Variants in PI4KA observed in about 807,000 individuals in gnomAD.
PI4KA encodes the protein phosphatidylinositol 4-kinase alpha, also known as PI4-kinase alpha.
A neutral mutation model predicts 271.4 loss-of-function variants in PI4KA; 122 were observed. That is an observed-to-expected ratio of 0.45 (90% confidence interval 0.39 to 0.52). The LOEUF is 0.52. Among genes scored for constraint, PI4KA ranks in the 20% least tolerant of loss-of-function variants. The pLI is 0.00. For missense variants in PI4KA, 1,969 were observed against 2,769.1 expected, an observed-to-expected ratio of 0.71 and a Z score of 6.48; for synonymous variants, 1,041 against 1,078.8, an observed-to-expected ratio of 0.96 and a Z score of 0.69.
At chr22:20,729,848 G>A (rs1927804233) in intron 37 of PI4KA, 44 bp downstream of exon 37, 1 of 1,612,402 alleles carries the variant, frequency 6.2e-7, no homozygotes, top group Non-Finnish European at 8.5e-7. Flanking sequence ...CAACTAGAAT[G>A]ATAGCTTGCA....
At position 20,812,502 on chromosome 22, in the gene PI4KA, C is replaced by T. The variant is rs145470877; in HGVS notation, c.1005+856G>A. 4.5e-3 allele frequency among the ~76,000 whole-genome samples: 687 copies of T among 152,230 alleles called. 5 individuals are homozygous for T. The highest frequency in any genetic ancestry group is 0.016 in the African/African-American group (659 of 41,540). Reference sequence around the variant, plus strand: ...CATCATCACCCGTACCTATTCAAATCTGTCTTGAACCATCCTAGCTTGATT... The same window carrying T: ...CATCATCACCCGTACCTATTCAAATTTGTCTTGAACCATCCTAGCTTGATT... On this transcript the variant is annotated intron_variant, in intron 8 of 54. Coordinates refer to ENST00000255882, the MANE Select transcript of PI4KA (RefSeq NM_058004.4).
At chr22:20,770,142 C>T (rs2147424065) in intron 19 of PI4KA, among the ~76,000 whole-genome samples, 1 of 151,838 alleles carries the variant, frequency 6.6e-6, no homozygotes, top group East Asian at 1.9e-4. Flanking sequence ...TCAAGTGATC[C>T]TTCTGCCTCA....
intron 19 of PI4KA, among the ~76,000 whole-genome samples, chr22:20,791,802 T>C (rs1368152138): frequency 6.6e-6 from 1 of 151,834 alleles, no homozygotes; most frequent in East Asian, 1.9e-4. Context: ...GGGGTGTCCA[T>C]GAAAAATACC....
chr22:20,798,681 T>C lies in PI4KA; in HGVS notation c.2011A>G (p.Ile671Val), dbSNP rs1935119660. The change falls in exon 17 of 55, where the codon ATC becomes GTC. Residue 671 changes from isoleucine (I) to valine (V), a missense_variant. Ile to Val is a conservative substitution (Grantham distance 29). Transcript: ENST00000255882. ...AAGAGGTTCCACACTTCCTGATAGA[T>C]GTATTGCTGGGAGAGAGCAAGATGC... The part of the protein sequence containing the change: ...GCLVITGNQY[I>V]YQEVWNLFQQ... 4 of 1,610,022 alleles carry C rather than the reference T, an allele frequency of 2.5e-6. No individual in the cohort carries two copies. Among genetic ancestry groups the C allele is most frequent in the Non-Finnish European group, 1.7e-6 (2 of 1,176,364 alleles).
chr22:20,770,668 A>G (rs1157154837), intron 19 of PI4KA, among the ~76,000 whole-genome samples: 1 of 151,434 alleles, frequency 6.6e-6, no homozygotes, highest in East Asian at 1.9e-4. Context: ...GACAGGGCAA[A>G]GGTTCCAAAA....
Position 20,729,690 on chromosome 22 carries a change from CG to C in PI4KA, c.4429del (p.Arg1477GlyfsTer10). On this transcript the variant is annotated frameshift_variant, in exon 38 of 55. Transcript: ENST00000255882. LOFTEE classifies it high-confidence loss of function. ...GTAGTATTTGTGCAGCTGGGAGCCC[CG>C]GTTGGTTTTCTTAGACATGCCTAGG... ...KKSGMSKKTN[R>X]GSQLHKYYMK... The C allele has an allele frequency of 6.3e-7, 1 of 1,591,216 alleles. No individual in the cohort carries two copies. The highest frequency in any genetic ancestry group is 8.6e-7 in the Non-Finnish European group (1 of 1,167,000).
At chr22:20,708,580 C>T (rs1468538163) in intron 54 of PI4KA, among the ~76,000 whole-genome samples, 2 of 135,984 alleles carry the variant, frequency 1.5e-5, no homozygotes, top group Non-Finnish European at 3.1e-5. Context: ...CTTCCTCTCA[C>T]GCTCCTCCGG....
chr22:20,833,501 A>G (rs1230178078), intron 3 of PI4KA, among the ~76,000 whole-genome samples: 1 of 152,126 alleles, frequency 6.6e-6, no homozygotes, highest in Non-Finnish European at 1.5e-5. Context: ...ATTTGCACCA[A>G]TGGCAGTGGT....
intron 1 of PI4KA, among the ~76,000 whole-genome samples, chr22:20,853,512 C>T (rs1406178265): frequency 6.6e-6 from 1 of 152,218 alleles, no homozygotes; most frequent in Non-Finnish European, 1.5e-5. Flanking sequence ...TGAAAAGCCT[C>T]ACTTTCTTTC....
chr22:20,791,061 C>T (rs1934614715), intron 19 of PI4KA, among the ~76,000 whole-genome samples: 1 of 152,206 alleles, frequency 6.6e-6, no homozygotes, highest in Non-Finnish European at 1.5e-5. Flanking sequence ...AGGAGTCCAA[C>T]CTGGAACCCT....
chr22:20,718,182 C>T (rs948313383), intron 44 of PI4KA, among the ~76,000 whole-genome samples: 2 of 152,252 alleles, frequency 1.3e-5, no homozygotes, highest in African/African-American at 4.8e-5. Flanking sequence ...GCAGTGTAAG[C>T]ACTGGAGACA....
At chr22:20,712,395 G>A (rs1463410593) in intron 50 of PI4KA, 91 bp downstream of exon 50, 42 of 1,565,844 alleles carry the variant, frequency 2.7e-5, no homozygotes, top group Admixed American at 2.1e-4. Context: ...GATGACTGAG[G>A]AGAGCAGGGT....
intron 19 of PI4KA, among the ~76,000 whole-genome samples, chr22:20,777,773 A>G (rs1489157788): frequency 6.6e-6 from 1 of 152,234 alleles, no homozygotes; most frequent in Non-Finnish European, 1.5e-5. Context: ...ATCTAACCAG[A>G]GTGCAGTTAA....
At chr22:20,760,397 A>G (rs578226022) in intron 23 of PI4KA, among the ~76,000 whole-genome samples, 3 of 152,344 alleles carry the variant, frequency 2.0e-5, no homozygotes, top group Admixed American at 6.5e-5. Flanking sequence ...AAAACTGGCC[A>G]AAAAGTGCTT....
chr22:20,796,463 A>G, intron 17 of PI4KA, 149 bp from the exon 18 acceptor site: 2 of 655,620 alleles, frequency 3.1e-6, no homozygotes, highest in Admixed American at 2.8e-5. Flanking sequence ...AGAACTCTCA[A>G]GTGGAGAAGA....
At chr22:20,856,959 T>A (rs1461930963) in intron 1 of PI4KA, among the ~76,000 whole-genome samples, 2 of 152,152 alleles carry the variant, frequency 1.3e-5, no homozygotes, top group Non-Finnish European at 2.9e-5. Context: ...CCTCCCAGAA[T>A]CCAGCAATCA....
At position 20,858,809 on chromosome 22, in the gene PI4KA, T is replaced by G. The variant is rs765515847; in HGVS notation, c.-84A>C. The G allele has an allele frequency of 4.3e-5, 58 of 1,357,874 alleles. 1 individual carries two copies. The South Asian group carries it at 6.4e-4, about 15-fold the overall frequency. 84.1% of individuals were successfully genotyped at this position (1,357,874 alleles called of 1,614,324 possible). On this transcript the variant is annotated 5_prime_UTR_variant, in exon 1 of 55. An upstream start codon of the reference 5' UTR is lost. Coordinates refer to ENST00000255882, the MANE Select transcript of PI4KA (RefSeq NM_058004.4). Reference sequence around the variant, plus strand: ...ACCTCAGGGCGCAGGCGTAGGTGCATCCGGCTTTCCCGCCACGTGACCTCT... The same window carrying G: ...ACCTCAGGGCGCAGGCGTAGGTGCAGCCGGCTTTCCCGCCACGTGACCTCT...
At chr22:20,842,618 T>C (rs1748266345) in intron 1 of PI4KA, among the ~76,000 whole-genome samples, 1 of 145,022 alleles carries the variant, frequency 6.9e-6, no homozygotes, top group African/African-American at 2.6e-5. Context: ...TTCGAGACTA[T>C]CCTGGCCAAC....
intron 4 of PI4KA, among the ~76,000 whole-genome samples, chr22:20,821,428 C>T (rs1230065595): frequency 2.0e-5 from 3 of 151,718 alleles, no homozygotes; most frequent in African/African-American, 7.3e-5. Context: ...CCATGTTAGC[C>T]GGGCTGGTCT....
Sources: gnomAD v4.1 joint callset for allele counts (sites outside exome capture counted in the v4.1 genomes callset) on GRCh38, gnomAD v4.1.1 for gene constraint, MANE v1.5 for transcripts, NCBI Gene and HGNC (gene_info 2026-07-23, HGNC 2026-07-21) for gene names.